CAST: variants seen among roughly 807,000 people sequenced by gnomAD.
CAST encodes the protein MIR583 host.
A neutral mutation model predicts 119.6 loss-of-function variants in CAST; 76 were observed. That is an observed-to-expected ratio of 0.64 (90% CI 0.53 to 0.77). CAST has a LOEUF of 0.77. Ranked by LOEUF, CAST falls within the 30% of genes least tolerant of loss-of-function variation. CAST has a pLI of 0.00. For missense variants in CAST, 953 were observed against 946.5 expected, an observed-to-expected ratio of 1.01 and a Z score of -0.09; for synonymous variants, 319 against 331.6, an observed-to-expected ratio of 0.96 and a Z score of 0.41.
the CAST span, among the ~76,000 whole-genome samples, chr5:96,241,168 C>T: frequency 4.0e-5 from 6 of 150,418 alleles, no homozygotes; most frequent in African/African-American, 1.2e-4. Context: ...CCCATTAACT[C>T]GTCATTTAGC....
the CAST span, among the ~76,000 whole-genome samples, chr5:96,092,485 A>G: frequency 6.6e-6 from 1 of 152,184 alleles, no homozygotes; most frequent in East Asian, 1.9e-4. Flanking sequence ...TCCAAACTTG[A>G]GTTAGGCTTA....
the CAST span, among the ~76,000 whole-genome samples, chr5:96,271,705 G>T: frequency 1.4e-5 from 2 of 147,778 alleles, no homozygotes; most frequent in Non-Finnish European, 3.0e-5. Flanking sequence ...TCTGGGCAAA[G>T]AATTTTTAGG....
the CAST span, among the ~76,000 whole-genome samples, chr5:96,382,153 C>T: frequency 2.6e-5 from 4 of 152,156 alleles, no homozygotes; most frequent in African/African-American, 7.2e-5. Context: ...TTTTTCTAAG[C>T]TTTGGATTTC....
In CAST at chr5:96,754,681, T is replaced by G; in HGVS notation, c.1650T>G (p.Arg550=). The G allele has an allele frequency of 6.2e-7, 1 of 1,608,904 alleles. No individual in the cohort carries two copies. The highest frequency in any genetic ancestry group is 1.1e-5 in the South Asian group (1 of 90,622). ...AGGAGAAGGCCAAAGAAGAAGACCGTGAAAAGCTTGGTGAAAAAGAAGAAA... is the reference window on the plus strand; with the variant it reads ...AGGAGAAGGCCAAAGAAGAAGACCGGGAAAAGCTTGGTGAAAAAGAAGAAA... ...KVKEKAKEED[R]EKLGEKEETI... The change falls in exon 22 of 32, where the codon CGT becomes CGG. Residue 550 remains arginine, a synonymous_variant. Coordinates refer to ENST00000675179, the MANE Select transcript of CAST (RefSeq NM_001750.7).
At chr5:96,290,753 G>A in the CAST span, among the ~76,000 whole-genome samples, 1 of 152,344 alleles carries the variant, frequency 6.6e-6, no homozygotes, top group East Asian at 1.9e-4. Context: ...GTTGGGGCAA[G>A]CATCCTTTAC....
At chr5:96,429,702 C>T in the CAST span, among the ~76,000 whole-genome samples, 8 of 152,070 alleles carry the variant, frequency 5.3e-5, no homozygotes, top group Admixed American at 3.3e-4. Context: ...TGAGAACATG[C>T]GGTATTCGGT....
chr5:96,203,930 C>T, the CAST span, among the ~76,000 whole-genome samples: 1 of 151,890 alleles, frequency 6.6e-6, no homozygotes, highest in East Asian at 1.9e-4. Flanking sequence ...AACAAATAGA[C>T]CGGGCTGATG....
chr5:96,219,232 T>C, the CAST span, among the ~76,000 whole-genome samples: 16 of 152,320 alleles, frequency 1.1e-4, no homozygotes, highest in East Asian at 2.5e-3. Flanking sequence ...GGTTCAGGCT[T>C]AGCACATAAT....
At chr5:96,672,756 T>C (rs1479473270) in intron 1 of CAST, among the ~76,000 whole-genome samples, 2 of 149,876 alleles carry the variant, frequency 1.3e-5, no homozygotes, top group Non-Finnish European at 3.0e-5. Context: ...ATTCATGAAG[T>C]TCTAAAAAAG....
the CAST span, among the ~76,000 whole-genome samples, chr5:96,294,603 A>T: frequency 6.6e-6 from 1 of 152,350 alleles, no homozygotes; most frequent in Non-Finnish European, 1.5e-5. Flanking sequence ...ATCTGTAAGC[A>T]TTTATGCAGA....
intron 30 of CAST, 95 bp from the exon 31 acceptor site, chr5:96,771,549 G>T: frequency 2.4e-6 from 2 of 830,024 alleles, no homozygotes; most frequent in South Asian, 3.5e-5. Flanking sequence ...TTTCCCCACT[G>T]ACTGCCATCT....
At chr5:96,291,886 G>GTGTGTGTGTGT in the CAST span, among the ~76,000 whole-genome samples, 1 of 143,942 alleles carries the variant, frequency 6.9e-6, no homozygotes, top group African/African-American at 2.6e-5. Context: ...GTGTGTGTGT[G>GTGTGTGTGTGT]GTGGGGAAGG....
At chr5:96,392,781 GA>G in the CAST span, 1 of 596,798 alleles carries the variant, frequency 1.7e-6, no homozygotes. Flanking sequence ...GTGCAGACAG[GA>G]AAGATGTGTT....
intron 2 of CAST, among the ~76,000 whole-genome samples, chr5:96,686,101 G>T (rs1197175999): frequency 2.0e-5 from 3 of 152,080 alleles, no homozygotes; most frequent in African/African-American, 7.2e-5. Flanking sequence ...TGGTTGGAGG[G>T]ATCAGTTACT....
the CAST span, among the ~76,000 whole-genome samples, chr5:95,968,631 T>C: frequency 4.6e-5 from 7 of 152,126 alleles, no homozygotes; most frequent in Admixed American, 2.0e-4. Context: ...AGAAGAAATA[T>C]ATCAACACAT....
chr5:96,046,343 C>T, the CAST span, among the ~76,000 whole-genome samples: 1 of 152,082 alleles, frequency 6.6e-6, no homozygotes, highest in Non-Finnish European at 1.5e-5. Flanking sequence ...CTAGCACCAA[C>T]CTATTAGGCT....
At chr5:95,980,184 A>G in the CAST span, among the ~76,000 whole-genome samples, 8 of 152,336 alleles carry the variant, frequency 5.3e-5, no homozygotes, top group South Asian at 1.0e-3. Flanking sequence ...TACGCTGATT[A>G]CTTTCTTTGT....
the CAST span, among the ~76,000 whole-genome samples, chr5:95,997,366 T>C: frequency 6.6e-6 from 1 of 152,090 alleles, no homozygotes; most frequent in Non-Finnish European, 1.5e-5. Context: ...GGGGCTTAAG[T>C]TTGAGAAAAA....
chr5:96,570,952 T>C (rs1436264059), intron 1 of CAST, among the ~76,000 whole-genome samples: 1 of 152,174 alleles, frequency 6.6e-6, no homozygotes. Flanking sequence ...TCTCATAAGT[T>C]TGAACACTGT....
Sources: allele counts gnomAD v4.1 joint callset (sites outside exome capture counted in the v4.1 genomes callset), GRCh38; gene constraint gnomAD v4.1.1; transcripts MANE v1.5; gene names NCBI Gene and HGNC (gene_info 2026-07-23, HGNC 2026-07-21).